The following LRRC4C variants were observed in gnomAD, a reference collection of about 807,000 sequenced individuals.
LRRC4C encodes the protein leucine-rich repeat-containing protein 4C.
A neutral mutation model predicts 33.6 loss-of-function variants in LRRC4C; 5 were observed. That is an observed-to-expected ratio of 0.15 (90% CI 0.08 to 0.31). LRRC4C has a LOEUF of 0.31. LRRC4C is among the 10% of genes least tolerant of loss of function. The pLI, the probability that LRRC4C is intolerant of heterozygous loss-of-function variation, is 1.00. For synonymous variants in LRRC4C, 329 were observed against 302.0 expected (o/e 1.09, Z -0.93); for missense variants, 560 against 796.7 (o/e 0.70, Z 3.58).
intron 2 of LRRC4C, among the ~76,000 whole-genome samples, chr11:40,742,596 C>A (rs1948210352): frequency 6.6e-6 from 1 of 151,982 alleles, no homozygotes; most frequent in Non-Finnish European, 1.5e-5. Context: ...AGAAAACGAT[C>A]ATTTGCCATT....
At chr11:40,592,278 A>T (rs1959094331) in intron 3 of LRRC4C, among the ~76,000 whole-genome samples, 1 of 152,222 alleles carries the variant, frequency 6.6e-6, no homozygotes, top group Non-Finnish European at 1.5e-5. Context: ...CTATGAATGG[A>T]TAAGTTAACA....
chr11:41,425,348 G>A lies in LRRC4C; in HGVS notation c.-496+34083C>T, dbSNP rs181299430. Among the ~76,000 whole-genome samples, 18 of 152,132 alleles carry A rather than the reference G, an allele frequency of 1.2e-4. No homozygotes were observed. The East Asian group carries it at 3.3e-3, about 28-fold the overall frequency. On this transcript the variant is annotated intron_variant, in intron 1 of 6. Transcript: ENST00000528697. The stretch of plus-strand genomic sequence containing the variant: ...GGTCGGTTTCCCAGTTGCTACCTGG[G>A]CCTCTCTTTGGTACTTACTTGATTT...
At chr11:41,431,129 A>G (rs1955218843) in intron 1 of LRRC4C, among the ~76,000 whole-genome samples, 1 of 152,084 alleles carries the variant, frequency 6.6e-6, no homozygotes, top group African/African-American at 2.4e-5. Flanking sequence ...ATTAACCTGA[A>G]TTTTCATGTA....
intron 2 of LRRC4C, among the ~76,000 whole-genome samples, chr11:40,891,436 T>C (rs947343331): frequency 6.6e-6 from 1 of 152,046 alleles, no homozygotes; most frequent in Non-Finnish European, 1.5e-5. Context: ...CCCATCAAAA[T>C]ACCAATGACA....
chr11:40,511,426 G>A (rs1371229577), intron 3 of LRRC4C, among the ~76,000 whole-genome samples: 1 of 152,178 alleles, frequency 6.6e-6, no homozygotes, highest in Non-Finnish European at 1.5e-5. Context: ...TTCATAGGAA[G>A]CAGAATTGAA....
intron 2 of LRRC4C, among the ~76,000 whole-genome samples, chr11:40,909,328 G>A (rs1039024345): frequency 6.6e-6 from 1 of 152,014 alleles, no homozygotes; most frequent in Admixed American, 6.6e-5. Context: ...CCCTAGTATA[G>A]ATTTCAATGG....
At chr11:40,443,354 T>G (rs1350729026) in intron 3 of LRRC4C, among the ~76,000 whole-genome samples, 1 of 152,198 alleles carries the variant, frequency 6.6e-6, no homozygotes, top group Non-Finnish European at 1.5e-5. Context: ...AATATAGACC[T>G]TAAGTAAATT....
chr11:41,433,008 T>C (rs1009701488), intron 1 of LRRC4C, among the ~76,000 whole-genome samples: 2 of 152,172 alleles, frequency 1.3e-5, no homozygotes, highest in Admixed American at 6.6e-5. Flanking sequence ...GTTTGGGCTA[T>C]GGCAAAAGGA....
chr11:41,347,092 A>T (rs12281861), intron 1 of LRRC4C, among the ~76,000 whole-genome samples: 29,889 of 152,158 alleles, frequency 0.2, 3,239 homozygotes, highest in East Asian at 0.45. Flanking sequence ...AAAGGAAAGA[A>T]ACCATATGTA....
chr11:41,240,399 A>G (rs1363875732), intron 1 of LRRC4C, among the ~76,000 whole-genome samples: 3 of 152,204 alleles, frequency 2.0e-5, no homozygotes, highest in African/African-American at 7.2e-5. Context: ...GATCAATTGA[A>G]TTAAAAACGT....
intron 3 of LRRC4C, among the ~76,000 whole-genome samples, chr11:40,580,177 G>A (rs1294730375): frequency 6.6e-6 from 1 of 151,856 alleles, no homozygotes; most frequent in East Asian, 1.9e-4. Context: ...ACTGAATAAT[G>A]GATAAATAAA....
intron 2 of LRRC4C, among the ~76,000 whole-genome samples, chr11:40,848,137 C>A (rs1473069040): frequency 6.6e-6 from 1 of 151,052 alleles, no homozygotes; most frequent in Non-Finnish European, 1.5e-5. Context: ...TTTTTCATGT[C>A]TCTGTCTCCT....
chr11:41,164,679 A>G (rs1009276956), intron 1 of LRRC4C, among the ~76,000 whole-genome samples: 52 of 152,144 alleles, frequency 3.4e-4, no homozygotes, highest in African/African-American at 1.2e-3. Context: ...TTTCAACTCC[A>G]TTATAATTGT....
At chr11:40,679,918 A>C (rs1161829291) in intron 2 of LRRC4C, among the ~76,000 whole-genome samples, 1 of 152,166 alleles carries the variant, frequency 6.6e-6, no homozygotes, top group African/African-American at 2.4e-5. Context: ...GGAATGGTAG[A>C]TCCACTGATA....
chr11:40,680,752 G>A (rs1398295338), intron 2 of LRRC4C, among the ~76,000 whole-genome samples: 1 of 152,142 alleles, frequency 6.6e-6, no homozygotes, highest in Non-Finnish European at 1.5e-5. Context: ...CCAATCTCAG[G>A]TATGTCTTTA....
intron 2 of LRRC4C, among the ~76,000 whole-genome samples, chr11:40,825,402 G>T (rs1043633338): frequency 6.6e-6 from 1 of 151,858 alleles, no homozygotes; most frequent in African/African-American, 2.4e-5. Flanking sequence ...GGCCTCATTG[G>T]AGTACTGCCT....
chr11:40,972,372 A>C (rs1253567668), intron 1 of LRRC4C, among the ~76,000 whole-genome samples: 4 of 152,040 alleles, frequency 2.6e-5, no homozygotes, highest in Non-Finnish European at 5.9e-5. Context: ...CCTGTTCTTA[A>C]GTGATCTTCC....
intron 1 of LRRC4C, among the ~76,000 whole-genome samples, chr11:41,179,639 ATTACAAACCAT>A (rs1372000509): frequency 2.6e-5 from 4 of 152,224 alleles, no homozygotes; most frequent in Admixed American, 1.3e-4. Flanking sequence ...TTCGGCAACA[ATTACAAACCAT>A]TTATGAGTTC....
intron 1 of LRRC4C, among the ~76,000 whole-genome samples, chr11:41,115,422 C>T (rs1428481227): frequency 6.6e-6 from 1 of 150,920 alleles, no homozygotes; most frequent in African/African-American, 2.4e-5. Flanking sequence ...AGTGATTTTG[C>T]TCCTTATTTA....
Sources: gnomAD v4.1 joint callset for allele counts (sites outside exome capture counted in the v4.1 genomes callset) on GRCh38, gnomAD v4.1.1 for gene constraint, MANE v1.5 for transcripts, NCBI Gene and HGNC (gene_info 2026-07-23, HGNC 2026-07-21) for gene names.